Variants in ASIC2 observed in about 807,000 individuals in gnomAD.
The protein encoded by ASIC2 is acid-sensing ion channel 2.
ASIC2 carries 25 observed loss-of-function variants against 57.3 expected under a neutral mutation model. The ratio of observed to expected loss-of-function variants is 0.44; its 90% CI spans 0.32 to 0.61. The LOEUF (loss-of-function observed/expected upper bound fraction) is 0.61, where lower values mean the gene tolerates loss of function less well. Among genes scored for constraint, ASIC2 ranks in the 20% least tolerant of loss-of-function variants. ASIC2 has a pLI of 0.06. For synonymous variants in ASIC2, 319 were observed against 307.5 expected, an observed-to-expected ratio of 1.04 and a Z score of -0.39; for missense variants, 641 against 738.1, an observed-to-expected ratio of 0.87 and a Z score of 1.52.
At chr17:33,307,273 CTTCCTT>C (rs1906218735) in intron 1 of ASIC2, among the ~76,000 whole-genome samples, 1 of 95,094 alleles carries the variant, frequency 1.1e-5, no homozygotes, top group Non-Finnish European at 2.2e-5. Context: ...TCCTCCTCCT[CTTCCTT>C]CTTCTTCTTC....
At chr17:33,325,306 G>A (rs1907031600) in intron 1 of ASIC2, among the ~76,000 whole-genome samples, 1 of 152,214 alleles carries the variant, frequency 6.6e-6, no homozygotes, top group Admixed American at 6.5e-5. Context: ...ACCTAAACAG[G>A]TTTGGGATAG....
At chr17:33,473,987 A>G (rs1913136675) in intron 1 of ASIC2, among the ~76,000 whole-genome samples, 1 of 152,222 alleles carries the variant, frequency 6.6e-6, no homozygotes, top group African/African-American at 2.4e-5. Context: ...CTGGTATACA[A>G]AGATAAATCA....
intron 1 of ASIC2, among the ~76,000 whole-genome samples, chr17:33,187,494 G>C (rs956171645): frequency 5.3e-5 from 8 of 152,276 alleles, no homozygotes; most frequent in Middle Eastern, 3.4e-3. Flanking sequence ...TGATTGTAAT[G>C]GTTCCTATTT....
At chr17:33,401,342 A>G (rs943745096) in intron 1 of ASIC2, among the ~76,000 whole-genome samples, 3 of 152,136 alleles carry the variant, frequency 2.0e-5, no homozygotes. Context: ...TCCCTCTCTG[A>G]TCATCAATCT....
chr17:33,571,569 T>C (rs1916444693), intron 1 of ASIC2, among the ~76,000 whole-genome samples: 1 of 152,220 alleles, frequency 6.6e-6, no homozygotes, highest in African/African-American at 2.4e-5. Context: ...ACATGTTATT[T>C]AGGACAATTT....
At chr17:33,923,501 T>C (rs1167509927) in intron 1 of ASIC2, among the ~76,000 whole-genome samples, 1 of 152,194 alleles carries the variant, frequency 6.6e-6, no homozygotes, top group Non-Finnish European at 1.5e-5. Context: ...GGTTACCAAG[T>C]CTGGGCCACA....
Position 33,291,475 on chromosome 17 carries a change from T to C in ASIC2, c.641A>G (p.Gln214Arg), listed in dbSNP as rs769150698. 2.5e-6 allele frequency: 4 copies of C among 1,612,446 alleles called. No homozygotes were observed. In the South Asian group the frequency reaches 4.4e-5, roughly 18 times the overall value. The change falls in exon 1 of 10, where the codon CAG (glutamine) becomes CGG (arginine). Residue 214 changes from glutamine to arginine, a missense_variant. This residue lies in a region of ASIC2 where 382 missense variants were observed against 398.0 expected (regional missense o/e 0.96). Coordinates refer to ENST00000225823, the MANE Select transcript of ASIC2 (RefSeq NM_183377.2). ...GCAGGAGAGCAGCATGTCCTCCAGC[T>C]GGTGGCCCAGGCGGTCCATGAAGGC... ...SAAFMDRLGH[Q>R]LEDMLLSCKY...
At chr17:33,566,468 G>A (rs1412495420) in intron 1 of ASIC2, among the ~76,000 whole-genome samples, 1 of 152,124 alleles carries the variant, frequency 6.6e-6, no homozygotes, top group Non-Finnish European at 1.5e-5. Flanking sequence ...GCTGTTAATA[G>A]AAAAGATGAG....
intron 1 of ASIC2, among the ~76,000 whole-genome samples, chr17:33,703,156 A>T (rs1908755712): frequency 6.6e-6 from 1 of 152,178 alleles, no homozygotes; most frequent in African/African-American, 2.4e-5. Context: ...GTTTGTTTGA[A>T]GAATGGAAAG....
chr17:33,750,839 A>G (rs1450997116), intron 1 of ASIC2, among the ~76,000 whole-genome samples: 1 of 152,066 alleles, frequency 6.6e-6, no homozygotes, highest in Non-Finnish European at 1.5e-5. Context: ...GCAGCTGGGG[A>G]TGGGGAGAAG....
intron 1 of ASIC2, among the ~76,000 whole-genome samples, chr17:34,099,127 AGAGAGAGAGAGAGAGAGACAGAGAGAG>A (rs1910668531): frequency 2.0e-4 from 6 of 29,972 alleles, no homozygotes; most frequent in African/African-American, 6.9e-4. Flanking sequence ...AGAGAGAGAG[AGAGAGAGAGAGAGAGAGACAGAGAGAG>A]AGAGAGAGAG....
At chr17:33,448,920 A>G (rs550151617) in intron 1 of ASIC2, among the ~76,000 whole-genome samples, 1 of 152,274 alleles carries the variant, frequency 6.6e-6, no homozygotes, top group South Asian at 2.1e-4. Context: ...AAGAACACAG[A>G]TCAGGAGACT....
chr17:33,818,007 G>A (rs574192101), intron 1 of ASIC2, among the ~76,000 whole-genome samples: 1 of 152,284 alleles, frequency 6.6e-6, no homozygotes, highest in South Asian at 2.1e-4. Flanking sequence ...CAAGGTATGT[G>A]TCTAAGACAG....
intron 1 of ASIC2, among the ~76,000 whole-genome samples, chr17:33,826,483 C>T (rs532068576): frequency 6.6e-6 from 1 of 152,302 alleles, no homozygotes; most frequent in South Asian, 2.1e-4. Context: ...TCATGAAGGT[C>T]ACCTTTCCCT....
intron 1 of ASIC2, among the ~76,000 whole-genome samples, chr17:33,797,340 C>A (rs1201534558): frequency 6.6e-6 from 1 of 152,056 alleles, no homozygotes; most frequent in Non-Finnish European, 1.5e-5. Flanking sequence ...AAACGTCTGG[C>A]ATGACTAGCG....
chr17:33,453,463 GC>G (rs1428415182), intron 1 of ASIC2, among the ~76,000 whole-genome samples: 1 of 151,924 alleles, frequency 6.6e-6, no homozygotes, highest in Non-Finnish European at 1.5e-5. Context: ...AGGCAGGGAG[GC>G]CATGAAGGGA....
At chr17:33,646,873 C>T (rs1449379226) in intron 1 of ASIC2, among the ~76,000 whole-genome samples, 1 of 151,890 alleles carries the variant, frequency 6.6e-6, no homozygotes, top group Non-Finnish European at 1.5e-5. Context: ...AAGTGGCCAG[C>T]AGGCACAGTG....
At chr17:33,648,825 T>C (rs1044812491) in intron 1 of ASIC2, among the ~76,000 whole-genome samples, 3 of 152,254 alleles carry the variant, frequency 2.0e-5, no homozygotes, top group African/African-American at 7.2e-5. Flanking sequence ...GATTTTCATC[T>C]TTAGAAACTA....
rs1264604173 is a variant in ASIC2, at chr17:33,464,687, C to CTCTCTATA, written c.556-352621_556-352620insTATAGAGA. ...TCTCTCTCCCTCTCTCTCTCTCTCT[C>CTCTCTATA]TATATATATATATATATGTATATAT... On this transcript the variant is annotated intron_variant, in intron 1 of 9. Transcript: ENST00000359872. 1.1e-3 allele frequency among the ~76,000 whole-genome samples: 141 copies of CTCTCTATA among 132,636 alleles called. 1 individual carries two copies. Among genetic ancestry groups the CTCTCTATA allele is most frequent in the African/African-American group, 4.0e-3 (138 of 34,330 alleles). 87.0% of individuals were successfully genotyped at this position (132,636 alleles called of 152,430 possible).
Sources: allele counts gnomAD v4.1 joint callset (sites outside exome capture counted in the v4.1 genomes callset), GRCh38; gene constraint gnomAD v4.1.1; regional missense constraint gnomAD v4.1.1; transcripts MANE v1.5; gene names NCBI Gene and HGNC (gene_info 2026-07-23, HGNC 2026-07-21).